SLX4IP: variants seen among roughly 807,000 people sequenced by gnomAD.
The protein encoded by SLX4IP is SLX4 interacting protein.
In SLX4IP, 34 loss-of-function variants were observed where a neutral mutation model predicts 32.9. That is an observed-to-expected ratio of 1.03 (90% CI 0.79 to 1.38). The LOEUF is 1.38. Ranked by LOEUF, SLX4IP falls within the 40% of genes most tolerant of loss-of-function variation. The pLI is 0.00. For synonymous variants in SLX4IP, 172 were observed against 171.7 expected (o/e 1.00, Z -0.01); for missense variants, 444 against 479.0 (o/e 0.93, Z 0.68).
chr20:10,527,559 T>C (rs2065950272), intron 2 of SLX4IP, among the ~76,000 whole-genome samples: 1 of 152,214 alleles, frequency 6.6e-6, no homozygotes, highest in Admixed American at 6.5e-5. Context: ...TTTTATAAGG[T>C]ATAAGGGAAA....
intron 2 of SLX4IP, among the ~76,000 whole-genome samples, chr20:10,548,087 A>G (rs1343684748): frequency 6.6e-6 from 1 of 152,230 alleles, no homozygotes; most frequent in Non-Finnish European, 1.5e-5. Context: ...AATTTAGTTC[A>G]GTCCACTCAT....
chr20:10,542,722 GTTAGT>G (rs919316599), intron 2 of SLX4IP, among the ~76,000 whole-genome samples: 67 of 152,316 alleles, frequency 4.4e-4, no homozygotes, highest in Non-Finnish European at 8.2e-4. Context: ...CACTTGGGCT[GTTAGT>G]TTTTTGGAGC....
intron 2 of SLX4IP, among the ~76,000 whole-genome samples, chr20:10,477,940 C>A (rs1262780591): frequency 1.4e-5 from 2 of 148,126 alleles, no homozygotes; most frequent in Non-Finnish European, 3.0e-5. Flanking sequence ...CTCTATCGCC[C>A]ATGCTGGAGT....
intron 6 of SLX4IP, among the ~76,000 whole-genome samples, chr20:10,602,329 TCTGTCTCCTTCTCTGTCTCC>T (rs1401143956): frequency 6.6e-6 from 1 of 152,106 alleles, no homozygotes; most frequent in Non-Finnish European, 1.5e-5. Flanking sequence ...TCTCTGTCTC[TCTGTCTCCTTCTCTGTCTCC>T]CTTTTCTCAT....
chr20:10,448,598 T>A (rs1306978620), intron 1 of SLX4IP, among the ~76,000 whole-genome samples: 17 of 152,186 alleles, frequency 1.1e-4, no homozygotes, highest in Admixed American at 1.0e-3. Context: ...CTCTTAGTTT[T>A]CTAGGCCCAT....
chr20:10,437,575 C>T (rs2065125662), intron 1 of SLX4IP, among the ~76,000 whole-genome samples: 1 of 152,196 alleles, frequency 6.6e-6, no homozygotes, highest in Non-Finnish European at 1.5e-5. Context: ...GAACCAGCTT[C>T]CCAGTAACTG....
At chr20:10,509,953 A>C (rs1267954810) in intron 2 of SLX4IP, among the ~76,000 whole-genome samples, 1 of 152,184 alleles carries the variant, frequency 6.6e-6, no homozygotes, top group Non-Finnish European at 1.5e-5. Context: ...CTGGGATTAC[A>C]GGTGTGAGCC....
chr20:10,569,174 G>GT (rs2066431357), intron 4 of SLX4IP, among the ~76,000 whole-genome samples: 1 of 137,482 alleles, frequency 7.3e-6, no homozygotes, highest in Non-Finnish European at 1.6e-5. Context: ...ACCAGATCTA[G>GT]ATTTTTTTTT....
chr20:10,452,676 A>ATATATATATATATATATAT (rs764822188), intron 1 of SLX4IP, among the ~76,000 whole-genome samples: 2 of 97,968 alleles, frequency 2.0e-5, no homozygotes, highest in African/African-American at 7.2e-5. Flanking sequence ...AAAAAAAAAA[A>ATATATATATATATATATAT]AAAAATATAT....
chr20:10,581,608 G>A (rs910576262), intron 4 of SLX4IP, among the ~76,000 whole-genome samples: 1 of 152,054 alleles, frequency 6.6e-6, no homozygotes, highest in African/African-American at 2.4e-5. Context: ...CACACCATGC[G>A]GACTTTCTAG....
At chr20:10,585,382 C>A (rs2066634282) in intron 4 of SLX4IP, among the ~76,000 whole-genome samples, 1 of 151,950 alleles carries the variant, frequency 6.6e-6, no homozygotes, top group Non-Finnish European at 1.5e-5. Context: ...CCCTCTTTCT[C>A]TGCTGACTCT....
chr20:10,490,385 A>G (rs1201514327), intron 2 of SLX4IP, among the ~76,000 whole-genome samples: 1 of 152,134 alleles, frequency 6.6e-6, no homozygotes, highest in Admixed American at 6.6e-5. Context: ...AAAGATGTTC[A>G]GCTTAATTTG....
At chr20:10,468,292 T>C (rs2065397429) in intron 2 of SLX4IP, among the ~76,000 whole-genome samples, 1 of 152,194 alleles carries the variant, frequency 6.6e-6, no homozygotes, top group African/African-American at 2.4e-5. Flanking sequence ...TATGTCCATG[T>C]TAATCTCTGA....
chr20:10,557,427 G>A (rs979167450), intron 3 of SLX4IP, among the ~76,000 whole-genome samples: 2 of 152,194 alleles, frequency 1.3e-5, no homozygotes, highest in Non-Finnish European at 2.9e-5. Flanking sequence ...TATCATTCAG[G>A]TAAATAACTG....
chr20:10,443,887 A>G (rs1413996563), intron 1 of SLX4IP, among the ~76,000 whole-genome samples: 1 of 152,150 alleles, frequency 6.6e-6, no homozygotes, highest in Non-Finnish European at 1.5e-5. Context: ...CCAGTCATGT[A>G]GGATGTGCCT....
At chr20:10,491,852 C>T (rs1422074590) in intron 2 of SLX4IP, among the ~76,000 whole-genome samples, 3 of 152,144 alleles carry the variant, frequency 2.0e-5, no homozygotes, top group Non-Finnish European at 4.4e-5. Context: ...TCCTCACTTA[C>T]CCCAGAAGTA....
At chr20:10,505,907 GA>G (rs1370369559) in intron 2 of SLX4IP, among the ~76,000 whole-genome samples, 1 of 151,856 alleles carries the variant, frequency 6.6e-6, no homozygotes, top group African/African-American at 2.4e-5. Flanking sequence ...TTTTGGCTGA[GA>G]AACTACATAA....
At chr20:10,614,356 G>A (rs957425499) in intron 6 of SLX4IP, 2 of 564,400 alleles carry the variant, frequency 3.5e-6, no homozygotes, top group African/African-American at 1.9e-5. Flanking sequence ...GCCTTCACAT[G>A]ACGTTTTACA....
chr20:10,583,381 GTACACAT>G (rs1398101454), intron 4 of SLX4IP, among the ~76,000 whole-genome samples: 5 of 152,166 alleles, frequency 3.3e-5, no homozygotes, highest in African/African-American at 1.2e-4. Context: ...CAAGGTTGGT[GTACACAT>G]TCATTGCACT....
Sources: gnomAD v4.1 joint callset for allele counts (sites outside exome capture counted in the v4.1 genomes callset) on GRCh38, gnomAD v4.1.1 for gene constraint, MANE v1.5 for transcripts, NCBI Gene and HGNC (gene_info 2026-07-23, HGNC 2026-07-21) for gene names.